Variants in ZNF407 observed in about 807,000 individuals in gnomAD.
The protein encoded by ZNF407 is zinc finger protein 407.
In ZNF407, 17 loss-of-function variants were observed where a neutral mutation model predicts 131.2. That is an observed-to-expected ratio of 0.13 (90% CI 0.09 to 0.19). ZNF407 has a LOEUF of 0.19. Among genes scored for constraint, ZNF407 ranks in the 10% least tolerant of loss-of-function variants. The pLI is 1.00. For missense variants in ZNF407, 2,681 were observed against 2,830.6 expected, an observed-to-expected ratio of 0.95 and a Z score of 1.20; for synonymous variants, 1,156 against 1,062.0, an observed-to-expected ratio of 1.09 and a Z score of -1.72.
intron 8 of ZNF407, among the ~76,000 whole-genome samples, chr18:74,984,228 C>T (rs984180248): frequency 6.6e-6 from 1 of 152,154 alleles, no homozygotes; most frequent in Non-Finnish European, 1.5e-5. Context: ...CTCGCCTAAG[C>T]CTGCGCTGCC....
intron 3 of ZNF407, among the ~76,000 whole-genome samples, chr18:74,642,154 A>G (rs1984752534): frequency 1.3e-5 from 2 of 152,062 alleles, no homozygotes; most frequent in South Asian, 2.1e-4. Context: ...GACCCTTAGG[A>G]TAGTTTTACA....
Position 74,999,520 on chromosome 18 carries a change from GAA to G in ZNF407, c.5429-63627_5429-63626del, listed in dbSNP as rs1030772872. 1.1e-4 allele frequency among the ~76,000 whole-genome samples: 16 copies of G among 152,064 alleles called. 1 individual carries two copies. Among genetic ancestry groups the G allele is most frequent in the African/African-American group, 3.9e-4 (16 of 41,392 alleles). ...CATGGCAGAACATATTTCTGAGAAAGAAAATAATTTAGAGTCTACTCCAGGAA... is the reference window on the plus strand; with the variant it reads ...CATGGCAGAACATATTTCTGAGAAAGAATAATTTAGAGTCTACTCCAGGAA... On this transcript the variant is annotated intron_variant, in intron 8 of 8. Transcript: ENST00000299687.
At chr18:74,801,783 T>G (rs1425001163) in intron 4 of ZNF407, among the ~76,000 whole-genome samples, 1 of 152,106 alleles carries the variant, frequency 6.6e-6, no homozygotes. Context: ...ATAACCTCTT[T>G]CAGTTACCGC....
At chr18:74,884,424 A>G (rs1457532473) in intron 6 of ZNF407, among the ~76,000 whole-genome samples, 1 of 152,244 alleles carries the variant, frequency 6.6e-6, no homozygotes, top group Non-Finnish European at 1.5e-5. Flanking sequence ...TATTATATAC[A>G]GATTTGAATC....
intron 3 of ZNF407, among the ~76,000 whole-genome samples, chr18:74,753,552 GT>G (rs1968856803): frequency 6.6e-6 from 1 of 152,164 alleles, no homozygotes; most frequent in South Asian, 2.1e-4. Flanking sequence ...TTTATTGAGA[GT>G]TTTTAGCATG....
intron 3 of ZNF407, among the ~76,000 whole-genome samples, chr18:74,647,539 T>C (rs1985029782): frequency 1.3e-5 from 2 of 152,190 alleles, no homozygotes. Context: ...CTGATTTCCT[T>C]TGCCTGTTCC....
chr18:74,895,493 G>T (rs572378412), intron 7 of ZNF407, among the ~76,000 whole-genome samples: 1 of 152,110 alleles, frequency 6.6e-6, no homozygotes, highest in East Asian at 1.9e-4. Context: ...TAATTTAATA[G>T]AATTTTGTCT....
intron 4 of ZNF407, among the ~76,000 whole-genome samples, chr18:74,838,407 C>G (rs968735013): frequency 3.3e-5 from 5 of 152,106 alleles, no homozygotes; most frequent in African/African-American, 1.2e-4. Context: ...GATGTCGGTG[C>G]CTGTGAAGCT....
chr18:74,627,489 C>G (rs1424477589), intron 1 of ZNF407, among the ~76,000 whole-genome samples: 1 of 152,172 alleles, frequency 6.6e-6, no homozygotes, highest in Non-Finnish European at 1.5e-5. Flanking sequence ...TTTCTGTCCC[C>G]CTCCCCTGCT....
chr18:74,861,822 G>A (rs1460326665), intron 4 of ZNF407, among the ~76,000 whole-genome samples: 1 of 151,798 alleles, frequency 6.6e-6, no homozygotes, highest in Non-Finnish European at 1.5e-5. Flanking sequence ...TTTCCTTACT[G>A]TAAATGGTAA....
chr18:74,638,083 G>T (rs141447185), intron 2 of ZNF407, among the ~76,000 whole-genome samples: 2 of 152,266 alleles, frequency 1.3e-5, no homozygotes, highest in Non-Finnish European at 2.9e-5. Flanking sequence ...GTACCAGATT[G>T]TCTGAAGCCA....
chr18:74,914,411 AGT>A (rs1444272299), intron 7 of ZNF407, among the ~76,000 whole-genome samples: 1 of 152,162 alleles, frequency 6.6e-6, no homozygotes, highest in Non-Finnish European at 1.5e-5. Context: ...GGAGCCATGC[AGT>A]GTGTGTTGCT....
At chr18:74,829,422 T>C (rs1970452873) in intron 4 of ZNF407, among the ~76,000 whole-genome samples, 1 of 152,218 alleles carries the variant, frequency 6.6e-6, no homozygotes, top group Non-Finnish European at 1.5e-5. Context: ...CATCGTAACC[T>C]TACCTATTTG....
chr18:74,601,978 A>G (rs779508108), intron 1 of ZNF407, among the ~76,000 whole-genome samples: 1 of 152,210 alleles, frequency 6.6e-6, no homozygotes, highest in Non-Finnish European at 1.5e-5. Context: ...CTACACCTAC[A>G]TATGTATCTT....
At position 74,889,911 on chromosome 18, in the gene ZNF407, A is replaced by C. The variant is rs2145195704; in HGVS notation, c.5129-7A>C. On this transcript the variant is annotated splice_region_variant and splice_polypyrimidine_tract_variant and intron_variant, in intron 6 of 8. Coordinates refer to ENST00000299687, the MANE Select transcript of ZNF407 (RefSeq NM_017757.3). ...ATTCATCTGTAACATTTCTTGATAT[A>C]TTACAGGAGAAAAACCTTTCAAGTG... 6.2e-7 allele frequency: 1 copy of C among 1,602,936 alleles called. No homozygotes were observed. Among genetic ancestry groups the C allele is most frequent in the Middle Eastern group, 1.7e-4 (1 of 6,032 alleles).
At chr18:74,898,715 G>A (rs911360245) in intron 7 of ZNF407, among the ~76,000 whole-genome samples, 2 of 151,216 alleles carry the variant, frequency 1.3e-5, no homozygotes, top group Non-Finnish European at 3.0e-5. Flanking sequence ...TGATTAACTT[G>A]ACATGGTATT....
At chr18:74,952,754 AC>A (rs1291816213) in intron 8 of ZNF407, among the ~76,000 whole-genome samples, 11 of 152,214 alleles carry the variant, frequency 7.2e-5, no homozygotes, top group African/African-American at 2.7e-4. Flanking sequence ...AGAAGTATAA[AC>A]CCTTGAAACC....
At chr18:74,915,297 T>C (rs969705515) in intron 7 of ZNF407, among the ~76,000 whole-genome samples, 1 of 151,824 alleles carries the variant, frequency 6.6e-6, no homozygotes, top group African/African-American at 2.4e-5. Flanking sequence ...TGTGCAGTGA[T>C]TAGTAAAGAG....
intron 3 of ZNF407, among the ~76,000 whole-genome samples, chr18:74,683,226 C>T (rs1967026158): frequency 6.6e-6 from 1 of 152,032 alleles, no homozygotes; most frequent in Non-Finnish European, 1.5e-5. Context: ...TGCAAATTTT[C>T]CTGGGTAAAA....
Sources: gnomAD v4.1 joint callset for allele counts (sites outside exome capture counted in the v4.1 genomes callset) on GRCh38, gnomAD v4.1.1 for gene constraint, MANE v1.5 for transcripts, NCBI Gene and HGNC (gene_info 2026-07-23, HGNC 2026-07-21) for gene names.